RNGTT: variants seen among roughly 807,000 people sequenced by gnomAD.
RNGTT encodes the protein RNA guanylyltransferase and 5'-phosphatase.
Under a neutral mutation model 79.3 loss-of-function variants are expected in RNGTT, and 33 were observed. That is an observed-to-expected ratio of 0.42 (90% CI 0.32 to 0.56). The LOEUF (loss-of-function observed/expected upper bound fraction) is 0.56. RNGTT is among the 20% of genes least tolerant of loss of function. The pLI is 0.17. For synonymous variants in RNGTT, 222 were observed against 235.9 expected (o/e 0.94, Z 0.54); for missense variants, 497 against 739.1 (o/e 0.67, Z 3.80).
chr6:88,961,870 T>A (rs1394025034), intron 1 of RNGTT, among the ~76,000 whole-genome samples: 3 of 152,234 alleles, frequency 2.0e-5, no homozygotes, highest in Admixed American at 6.5e-5. Context: ...GCAGGTTTAT[T>A]TGTAATAGCT....
At chr6:88,676,497 G>A (rs1016782961) in intron 14 of RNGTT, among the ~76,000 whole-genome samples, 2 of 152,018 alleles carry the variant, frequency 1.3e-5, no homozygotes, top group African/African-American at 2.4e-5. Context: ...GAATACATAC[G>A]AGAAAAATCT....
At chr6:88,864,900 G>A (rs980988287) in intron 8 of RNGTT, among the ~76,000 whole-genome samples, 1 of 152,094 alleles carries the variant, frequency 6.6e-6, no homozygotes, top group African/African-American at 2.4e-5. Context: ...ATCAGAGACA[G>A]AATGGAGAAC....
At chr6:88,747,940 T>A (rs928258491) in intron 13 of RNGTT, among the ~76,000 whole-genome samples, 2 of 152,162 alleles carry the variant, frequency 1.3e-5, no homozygotes, top group African/African-American at 4.8e-5. Flanking sequence ...CTAGCTATCA[T>A]CTAGTACCAC....
chr6:88,864,215 A>T (rs1782098014), intron 8 of RNGTT, among the ~76,000 whole-genome samples: 1 of 152,098 alleles, frequency 6.6e-6, no homozygotes, highest in Non-Finnish European at 1.5e-5. Context: ...TAGCTACTAC[A>T]TATAATAAAT....
chr6:88,931,101 G>A (rs1292620156), intron 2 of RNGTT, among the ~76,000 whole-genome samples: 2 of 147,790 alleles, frequency 1.4e-5, no homozygotes, highest in African/African-American at 5.0e-5. Context: ...TGGGCATCAT[G>A]TAGGTGCTAA....
chr6:88,835,975 A>ACACACAC (rs1781054402), intron 11 of RNGTT, among the ~76,000 whole-genome samples: 3 of 113,764 alleles, frequency 2.6e-5, no homozygotes, highest in African/African-American at 6.9e-5. Context: ...CTCTATTAAA[A>ACACACAC]ACACACACAC....
rs983544232 is a variant in RNGTT at position 88,867,695 on chromosome 6, TAGA to T, written c.897-13934_897-13932del. On this transcript the variant is annotated intron_variant, in intron 8 of 15. Coordinates refer to ENST00000369485, the MANE Select transcript of RNGTT (RefSeq NM_003800.5). ...TAGGATTAAAAAGAGCAAAGAGTAC[TAGA>T]AGAAGAAGAAAAGAAAAACTAAGTA... Among the ~76,000 whole-genome samples, 31 of 152,266 alleles carry T rather than the reference TAGA, an allele frequency of 2.0e-4. No homozygotes were observed. In the South Asian group the frequency reaches 6.0e-3, roughly 29 times the overall value.
chr6:88,848,656 T>C (rs1781567547), intron 10 of RNGTT, among the ~76,000 whole-genome samples: 1 of 149,638 alleles, frequency 6.7e-6, no homozygotes, highest in African/African-American at 2.5e-5. Context: ...AAGAATATCA[T>C]ATATATTTCA....
intron 13 of RNGTT, among the ~76,000 whole-genome samples, chr6:88,688,883 G>A (rs1775375028): frequency 6.6e-6 from 1 of 152,104 alleles, no homozygotes; most frequent in African/African-American, 2.4e-5. Flanking sequence ...ATCCACTCAA[G>A]TCTAATGAAT....
At chr6:88,749,999 CT>C (rs1240289530) in intron 13 of RNGTT, among the ~76,000 whole-genome samples, 3 of 152,126 alleles carry the variant, frequency 2.0e-5, no homozygotes, top group African/African-American at 7.2e-5. Flanking sequence ...ACATTCTCCC[CT>C]CATGTATAAT....
intron 13 of RNGTT, among the ~76,000 whole-genome samples, chr6:88,712,107 T>C (rs534220076): frequency 1.3e-5 from 2 of 152,318 alleles, no homozygotes; most frequent in South Asian, 4.1e-4. Context: ...CATGTTGATC[T>C]TTCCTTTAGG....
intron 2 of RNGTT, among the ~76,000 whole-genome samples, chr6:88,936,498 G>A (rs140022655): frequency 1.6e-4 from 24 of 152,124 alleles, no homozygotes; most frequent in African/African-American, 5.6e-4. Flanking sequence ...TTAGTATGAC[G>A]TTAGCTGTGG....
At chr6:88,658,983 G>A (rs922680846) in intron 14 of RNGTT, among the ~76,000 whole-genome samples, 1 of 152,112 alleles carries the variant, frequency 6.6e-6, no homozygotes, top group Admixed American at 6.6e-5. Context: ...GCTTGCAGAC[G>A]GCCTATTGTG....
chr6:88,777,675 T>C (rs1390397092), intron 12 of RNGTT, among the ~76,000 whole-genome samples: 1 of 152,182 alleles, frequency 6.6e-6, no homozygotes, highest in African/African-American at 2.4e-5. Flanking sequence ...CACAACTTTA[T>C]TGAATTAACA....
intron 13 of RNGTT, among the ~76,000 whole-genome samples, chr6:88,699,512 C>A (rs1324373537): frequency 6.6e-6 from 1 of 151,876 alleles, no homozygotes; most frequent in Non-Finnish European, 1.5e-5. Context: ...AGTGAGACCT[C>A]GTCTCTACAA....
At chr6:88,724,369 A>G (rs992470974) in intron 13 of RNGTT, among the ~76,000 whole-genome samples, 1 of 152,204 alleles carries the variant, frequency 6.6e-6, no homozygotes, top group African/African-American at 2.4e-5. Context: ...ATGTTATAAT[A>G]TGTAAATACA....
chr6:88,896,269 A>T (rs1040272411), intron 6 of RNGTT, among the ~76,000 whole-genome samples: 1 of 152,160 alleles, frequency 6.6e-6, no homozygotes, highest in South Asian at 2.1e-4. Flanking sequence ...GGGGCCTAAT[A>T]GCTATTTTAC....
At chr6:88,923,367 G>A (rs905296326) in intron 4 of RNGTT, among the ~76,000 whole-genome samples, 1 of 152,158 alleles carries the variant, frequency 6.6e-6, no homozygotes. Context: ...GTCTTGATGA[G>A]TCAAGAGAAA....
chr6:88,634,232 C>T (rs778941762), intron 14 of RNGTT, among the ~76,000 whole-genome samples: 1 of 152,040 alleles, frequency 6.6e-6, no homozygotes, highest in Non-Finnish European at 1.5e-5. Flanking sequence ...GCTAGTTTTA[C>T]AAGATTCTTA....
Sources: allele counts gnomAD v4.1 joint callset (sites outside exome capture counted in the v4.1 genomes callset), GRCh38; gene constraint gnomAD v4.1.1; transcripts MANE v1.5; gene names NCBI Gene and HGNC (gene_info 2026-07-23, HGNC 2026-07-21).